The following SYT10 variants were observed in gnomAD, a reference collection of about 807,000 sequenced individuals.
The protein encoded by SYT10 is synaptotagmin-10.
Under a neutral mutation model 51.1 loss-of-function variants are expected in SYT10, and 31 were observed. That is an observed-to-expected ratio of 0.61 (90% CI 0.46 to 0.82). SYT10 has a LOEUF of 0.82. SYT10 is among the 40% of genes least tolerant of loss of function. SYT10 has a pLI of 0.00. For synonymous variants in SYT10, 233 were observed against 225.9 expected, an observed-to-expected ratio of 1.03 and a Z score of -0.28; for missense variants, 603 against 634.0, an observed-to-expected ratio of 0.95 and a Z score of 0.53.
intron 3 of SYT10, among the ~76,000 whole-genome samples, chr12:33,398,272 G>A (rs1236580421): frequency 2.0e-5 from 3 of 152,254 alleles, no homozygotes; most frequent in South Asian, 4.1e-4. Context: ...CCAGCACTTT[G>A]GGAGGCTGAG....
chr12:33,426,276 A>G lies in SYT10; in HGVS notation c.371T>C (p.Val124Ala), dbSNP rs1866551042. 6.2e-7 allele frequency: 1 copy of G among 1,614,110 alleles called. No individual in the cohort carries two copies. Among genetic ancestry groups the G allele is most frequent in the Non-Finnish European group, 8.5e-7 (1 of 1,180,012 alleles). The change falls in exon 2 of 7, where the codon GTA (valine) becomes GCA (alanine). Residue 124 changes from valine (V) to alanine (A), a missense_variant. Transcript: ENST00000228567. ...KEIKENEKPA[V>A]KAIEPAIKIS... ...TTTTATTGCAGGCTCAATAGCTTTT[A>G]CGGCTGGCTTTTCATTTTCCTTAAT...
chr12:33,426,477 A>T lies in SYT10; in HGVS notation c.170T>A (p.Leu57Ter). ...GSSTDISVSLLAVVVSFCGLA... is the reference protein window; with the variant it reads ...GSSTDISVSL ...TCCACAAAAGCTGACAACGACAGCTAACAGGCTGACTGAAATATCTGGAAA... is the reference window on the plus strand; with the variant it reads ...TCCACAAAAGCTGACAACGACAGCTTACAGGCTGACTGAAATATCTGGAAA... The change falls in exon 2 of 7, where the codon TTA becomes TAA. Residue 57 changes from leucine to a stop codon, truncating the protein, a stop_gained. Coordinates refer to ENST00000228567, the MANE Select transcript of SYT10 (RefSeq NM_198992.4). LOFTEE classifies it high-confidence loss of function. 1 of 1,582,062 alleles carries T rather than the reference A, an allele frequency of 6.3e-7. No individual in the cohort carries two copies. The highest frequency in any genetic ancestry group is 8.6e-7 in the Non-Finnish European group (1 of 1,167,638).
At chr12:33,414,685 T>C (rs1384089215) in intron 2 of SYT10, among the ~76,000 whole-genome samples, 7 of 152,148 alleles carry the variant, frequency 4.6e-5, no homozygotes, top group Non-Finnish European at 8.8e-5. Flanking sequence ...AAGCAGTGTG[T>C]AGAAGGAAAT....
chr12:33,411,616 G>C (rs1457169521), intron 2 of SYT10, among the ~76,000 whole-genome samples: 3 of 152,096 alleles, frequency 2.0e-5, no homozygotes, highest in Non-Finnish European at 4.4e-5. Flanking sequence ...AAACATACTA[G>C]AACTACTTTA....
chr12:33,378,155 G>C (rs2138378748), intron 6 of SYT10, among the ~76,000 whole-genome samples: 1 of 152,166 alleles, frequency 6.6e-6, no homozygotes, highest in South Asian at 2.1e-4. Flanking sequence ...CTATTTTGCT[G>C]GAGAATGTAC....
intron 2 of SYT10, among the ~76,000 whole-genome samples, chr12:33,420,492 A>G (rs1249330770): frequency 2.0e-5 from 3 of 151,606 alleles, no homozygotes; most frequent in Non-Finnish European, 2.9e-5. Flanking sequence ...AGAAAAAAAA[A>G]TAAAAAATAA....
At chr12:33,391,125 C>T (rs1397958666) in intron 3 of SYT10, among the ~76,000 whole-genome samples, 2 of 152,170 alleles carry the variant, frequency 1.3e-5, no homozygotes, top group East Asian at 1.9e-4. Flanking sequence ...TTAGTAGAGA[C>T]GGGGTTTCGC....
chr12:33,380,044 A>G (rs1255464534), intron 5 of SYT10, 83 bp from the exon 6 acceptor site: 20 of 1,444,422 alleles, frequency 1.4e-5, no homozygotes, highest in African/African-American at 1.4e-5. Flanking sequence ...AATTTTAAAA[A>G]TATGATTAAA....
chr12:33,401,008 T>C (rs536375897), intron 3 of SYT10, among the ~76,000 whole-genome samples: 2 of 148,312 alleles, frequency 1.3e-5, no homozygotes, highest in South Asian at 4.3e-4. Flanking sequence ...GCCTGAGGGA[T>C]AGAGTGAGAT....
intron 4 of SYT10, 51 bp from the exon 5 acceptor site, chr12:33,382,571 T>C: frequency 6.7e-7 from 1 of 1,497,606 alleles, no homozygotes; most frequent in Non-Finnish European, 8.9e-7. Flanking sequence ...GTACAAAGCA[T>C]AAATAAAACT....
chr12:33,403,897 C>A (rs1311117896), intron 3 of SYT10, among the ~76,000 whole-genome samples: 1 of 152,058 alleles, frequency 6.6e-6, no homozygotes, highest in Non-Finnish European at 1.5e-5. Context: ...TATTTGGCCA[C>A]ACAGTCTAGA....
chr12:33,412,537 G>A (rs2138420488), intron 2 of SYT10, among the ~76,000 whole-genome samples: 1 of 151,944 alleles, frequency 6.6e-6, no homozygotes, highest in Middle Eastern at 3.4e-3. Context: ...CCTAGTATTA[G>A]GTTGGTGCAA....
At position 33,407,112 on chromosome 12, in the gene SYT10, T is replaced by G; in HGVS notation, c.754A>C (p.Ile252Leu). The change falls in exon 3 of 7, where the codon ATT (isoleucine) becomes CTT (leucine). Residue 252 changes from isoleucine (I) to leucine (L), a missense_variant. By Grantham distance (5) the Ile-to-Leu change is conservative (BLOSUM62 2). Coordinates refer to ENST00000228567, the MANE Select transcript of SYT10 (RefSeq NM_198992.4). ...GCAGGGAGATCTAAAGCTTTGATAATTTTAACAACTAGAAGTTCATTTTCA... is the reference window on the plus strand; with the variant it reads ...GCAGGGAGATCTAAAGCTTTGATAAGTTTAACAACTAGAAGTTCATTTTCA... ...DYENELLVVK[I>L]IKALDLPAKD... is the part of the protein sequence containing the mutation. 1.9e-6 allele frequency: 3 copies of G among 1,613,650 alleles called. No individual in the cohort carries two copies. Among genetic ancestry groups the G allele is most frequent in the Non-Finnish European group, 2.5e-6 (3 of 1,179,874 alleles).
At chr12:33,419,698 C>T (rs569737474) in intron 2 of SYT10, among the ~76,000 whole-genome samples, 1 of 148,534 alleles carries the variant, frequency 6.7e-6, no homozygotes, top group Non-Finnish European at 1.5e-5. Context: ...GACATAAACA[C>T]CATAAAAAGA....
intron 4 of SYT10, among the ~76,000 whole-genome samples, chr12:33,384,341 GT>G (rs946913147): frequency 8.8e-4 from 132 of 150,786 alleles, no homozygotes; most frequent in African/African-American, 2.7e-3. Context: ...GTTCTCTTAT[GT>G]TTTTTTTTGT....
intron 1 of SYT10, among the ~76,000 whole-genome samples, chr12:33,427,036 G>A (rs1446504164): frequency 6.6e-6 from 1 of 152,054 alleles, no homozygotes; most frequent in Non-Finnish European, 1.5e-5. Context: ...TGATAATTTT[G>A]TATTATTTTT....
intron 2 of SYT10, among the ~76,000 whole-genome samples, chr12:33,412,862 G>A (rs1054029688): frequency 5.3e-5 from 8 of 152,228 alleles, no homozygotes; most frequent in African/African-American, 1.7e-4. Context: ...GAGAGAAGAA[G>A]GCTTCAGACG....
In SYT10 at chr12:33,406,834, G is replaced by A; in HGVS notation, c.1032C>T (p.Leu344=). 6.2e-7 allele frequency: 1 copy of A among 1,613,840 alleles called. No individual in the cohort carries two copies. The highest frequency in any genetic ancestry group is 8.5e-7 in the Non-Finnish European group (1 of 1,179,988). ...CTTTCCATACTGTGGCTTCCCTGGA[G>A]AGATCAGAGACTTCAAACAAATTAT... ...ILDNLFEVSD[L]SREATVWKDI... Residue 344 remains leucine (L), a synonymous_variant, in exon 3 of 7, where the codon CTC becomes CTT. Transcript: ENST00000228567.
chr12:33,380,667 T>C (rs571250368), intron 5 of SYT10, among the ~76,000 whole-genome samples: 1 of 152,188 alleles, frequency 6.6e-6, no homozygotes, highest in South Asian at 2.1e-4. Flanking sequence ...ACCATGACCA[T>C]GAATATCATT....
Sources: gnomAD v4.1 joint callset for allele counts (sites outside exome capture counted in the v4.1 genomes callset) on GRCh38, gnomAD v4.1.1 for gene constraint, MANE v1.5 for transcripts, NCBI Gene and HGNC (gene_info 2026-07-23, HGNC 2026-07-21) for gene names.